The following BCL11B variants were observed in gnomAD, a reference collection of about 807,000 sequenced individuals.
BCL11B encodes B-cell lymphoma/leukemia 11B.
BCL11B carries 8 observed loss-of-function variants against 49.9 expected under a neutral mutation model. The observed-to-expected ratio is 0.16, with a 90% CI of 0.09 to 0.29. BCL11B has a LOEUF of 0.29. Ranked by LOEUF, BCL11B falls within the 10% of genes least tolerant of loss-of-function variation. The pLI, the probability that BCL11B is intolerant of heterozygous loss-of-function variation, is 1.00. For synonymous variants in BCL11B, 739 were observed against 637.4 expected, an observed-to-expected ratio of 1.16 and a Z score of -2.40; for missense variants, 1,006 against 1,351.0, an observed-to-expected ratio of 0.74 and a Z score of 4.00.
At position 99,247,662 on chromosome 14, in the gene BCL11B, C is replaced by T. The variant is rs568987977; in HGVS notation, c.427+9809G>A. 8.5e-5 allele frequency among the ~76,000 whole-genome samples: 13 copies of T among 152,344 alleles called. No homozygotes were observed. Among genetic ancestry groups the T allele is most frequent in the African/African-American group, 2.4e-4 (10 of 41,580 alleles). On this transcript the variant is annotated intron_variant, in intron 2 of 3. Coordinates refer to ENST00000357195, the MANE Select transcript of BCL11B (RefSeq NM_138576.4). The surrounding 1 kb of genome is among the most constrained non-coding windows in gnomAD (Gnocchi z 4.5). ...GCACCTGCAGTCATCAGGAGGTAGA[C>T]GCGTGTTTTCTGGACACTCTTGTGG... is the stretch of plus-strand genomic sequence containing the variant.
At chr14:99,179,002 G>A (rs1886619254) in intron 3 of BCL11B, among the ~76,000 whole-genome samples, 1 of 152,270 alleles carries the variant, frequency 6.6e-6, no homozygotes, top group East Asian at 1.9e-4. Context: ...TGGCTGGTGA[G>A]GAAAGAACAT....
intron 2 of BCL11B, among the ~76,000 whole-genome samples, chr14:99,250,785 C>G (rs1888986573): frequency 6.6e-6 from 1 of 152,070 alleles, no homozygotes; most frequent in Non-Finnish European, 1.5e-5. Context: ...CTTACCTTAT[C>G]TCTCTCTCCT....
At chr14:99,177,214 C>A (rs1410812188) in intron 3 of BCL11B, among the ~76,000 whole-genome samples, 1 of 151,990 alleles carries the variant, frequency 6.6e-6, no homozygotes, top group Non-Finnish European at 1.5e-5. Flanking sequence ...AAGTCCTCTG[C>A]CAGAATACTA....
chr14:99,210,651 T>C (rs1332972545), intron 3 of BCL11B, among the ~76,000 whole-genome samples: 1 of 152,172 alleles, frequency 6.6e-6, no homozygotes, highest in Non-Finnish European at 1.5e-5. Context: ...CTTTTCCTGC[T>C]CAGGTGTGGA....
chr14:99,267,550 C>CA (rs1428168203), intron 1 of BCL11B, among the ~76,000 whole-genome samples: 1 of 149,732 alleles, frequency 6.7e-6, no homozygotes, highest in African/African-American at 2.5e-5. Flanking sequence ...CTTCACCCCC[C>CA]CCCCACCAAC....
rs754316700 is a variant in BCL11B, at chr14:99,213,632, G to A, written c.640+17713C>T. Among the ~76,000 whole-genome samples the A allele has an allele frequency of 2.6e-5, 4 of 152,256 alleles. No individual in the cohort carries two copies. The highest frequency in any genetic ancestry group is 4.4e-5 in the Non-Finnish European group (3 of 68,010). ...GCCGGTGCCTGTCTCCCACACTCCC[G>A]GACGCCACAGGCTGCAGAGTCCATG... On this transcript the variant is annotated intron_variant, in intron 3 of 3. Coordinates refer to ENST00000357195, the MANE Select transcript of BCL11B (RefSeq NM_138576.4). This position sits in a 1 kb window ranked among gnomAD's most constrained non-coding sequence, Gnocchi z 5.1.
intron 3 of BCL11B, among the ~76,000 whole-genome samples, chr14:99,178,414 T>TC (rs758689006): frequency 1.3e-5 from 2 of 152,156 alleles, no homozygotes; most frequent in Non-Finnish European, 2.9e-5. Flanking sequence ...AGGGGAAACC[T>TC]CCCCACCTAA....
chr14:99,217,303 TAC>T (rs1054214864), intron 3 of BCL11B, among the ~76,000 whole-genome samples: 33 of 71,978 alleles, frequency 4.6e-4, no homozygotes, highest in African/African-American at 9.2e-4. Flanking sequence ...CACAAATACA[TAC>T]ACTTACATAT....
intron 3 of BCL11B, among the ~76,000 whole-genome samples, chr14:99,207,261 A>G (rs775848619): frequency 4.8e-4 from 73 of 152,206 alleles, no homozygotes; most frequent in Non-Finnish European, 9.4e-4. Flanking sequence ...GACATAAATG[A>G]CAAAGCGAAA....
At position 99,169,767 on chromosome 14, in the gene BCL11B, G is replaced by C; in HGVS notation, c.*4384C>G. ...TTGCCTGTGTTCCACGAGACCTTCG[G>C]CTGACGGTTACTTAGGACCGGGATG... On this transcript the variant is annotated 3_prime_UTR_variant, in exon 4 of 4. Coordinates refer to ENST00000357195, the MANE Select transcript of BCL11B (RefSeq NM_138576.4). 1 of 225,330 alleles carries C rather than the reference G, an allele frequency of 4.4e-6. No homozygotes were observed. Among genetic ancestry groups the C allele is most frequent in the Middle Eastern group, 1.4e-3 (1 of 736 alleles). 14.0% of individuals were successfully genotyped at this position (225,330 alleles called of 1,614,324 possible). A position where few individuals can be genotyped will look rare whatever the true frequency, so the allele number is the denominator to read the frequency against.
chr14:99,212,506 C>T (rs1322025113), intron 3 of BCL11B, among the ~76,000 whole-genome samples: 3 of 152,270 alleles, frequency 2.0e-5, no homozygotes, highest in African/African-American at 4.8e-5. Context: ...GCCAGACCTC[C>T]GCCTGGGCCT....
rs538801664 is a variant in BCL11B, at chr14:99,218,634, C to T, written c.640+12711G>A. Reference sequence around the variant, plus strand: ...GGGAATCCCCTGTAAGTGCCTGAACCTGTCCCAGACCTCAGTTCACCGAGA... The same window carrying T: ...GGGAATCCCCTGTAAGTGCCTGAACTTGTCCCAGACCTCAGTTCACCGAGA... On this transcript the variant is annotated intron_variant, in intron 3 of 3. Coordinates refer to ENST00000357195, the MANE Select transcript of BCL11B (RefSeq NM_138576.4). Among the ~76,000 whole-genome samples, 6 of 152,280 alleles carry T rather than the reference C, an allele frequency of 3.9e-5. No individual in the cohort carries two copies. In the South Asian group the frequency reaches 1.0e-3, roughly 26 times the overall value.
chr14:99,244,040 T>C (rs1426411294), intron 2 of BCL11B, among the ~76,000 whole-genome samples: 2 of 150,456 alleles, frequency 1.3e-5, no homozygotes, highest in Non-Finnish European at 1.5e-5. Flanking sequence ...GCAGAAAGTG[T>C]GCCCTGCAAA....
chr14:99,199,688 GCGCGCGCGCA>G (rs1211088927), intron 3 of BCL11B, among the ~76,000 whole-genome samples: 371 of 63,806 alleles, frequency 5.8e-3, no homozygotes, highest in African/African-American at 5.8e-3. Flanking sequence ...GTGTGTGCGC[GCGCGCGCGCA>G]CGTGCACGTG....
intron 3 of BCL11B, among the ~76,000 whole-genome samples, chr14:99,225,363 C>T (rs960952153): frequency 6.6e-6 from 1 of 152,132 alleles, no homozygotes; most frequent in Non-Finnish European, 1.5e-5. Flanking sequence ...TCAGGTCACC[C>T]GAGAAGAACC....
In BCL11B at chr14:99,184,489, T is replaced by C. The variant is rs1188095937; in HGVS notation, c.641-8294A>G. Among the ~76,000 whole-genome samples, 1 of 152,192 alleles carries C rather than the reference T, an allele frequency of 6.6e-6. No homozygotes were observed. The highest frequency in any genetic ancestry group is 1.5e-5 in the Non-Finnish European group (1 of 68,026). On this transcript the variant is annotated intron_variant, in intron 3 of 3. Transcript: ENST00000357195. This position sits in a 1 kb window ranked among gnomAD's most constrained non-coding sequence, Gnocchi z 6.1. Reference sequence around the variant, plus strand: ...AAAGTGGGTTTTAACCCAGGTTCTCTAGAGAAAAGAAACTAAGTCTCATCA... The same window carrying C: ...AAAGTGGGTTTTAACCCAGGTTCTCCAGAGAAAAGAAACTAAGTCTCATCA...
Position 99,192,479 on chromosome 14 carries a change from C to T in BCL11B, c.641-16284G>A, listed in dbSNP as rs539024998. On this transcript the variant is annotated intron_variant, in intron 3 of 3. Coordinates refer to ENST00000357195, the MANE Select transcript of BCL11B (RefSeq NM_138576.4). This position sits in a 1 kb window ranked among gnomAD's most constrained non-coding sequence, Gnocchi z 4.0. ...TAGAAGGCAGAAAATAAAACAATGC[C>T]GGCACGTTCTGGAGACCACAGCGCG... 2.0e-5 allele frequency among the ~76,000 whole-genome samples: 3 copies of T among 152,232 alleles called. No individual in the cohort carries two copies. Among genetic ancestry groups the T allele is most frequent in the South Asian group, 2.1e-4 (1 of 4,808 alleles).
At position 99,173,940 on chromosome 14, in the gene BCL11B, G is replaced by C; in HGVS notation, c.*211C>G. ...CAATAAATACAGAAATTATTGCACAGTTAAAAGGCTCCACAATTTGTACTG... is the reference window on the plus strand; with the variant it reads ...CAATAAATACAGAAATTATTGCACACTTAAAAGGCTCCACAATTTGTACTG... On this transcript the variant is annotated 3_prime_UTR_variant, in exon 4 of 4. Coordinates refer to ENST00000357195, the MANE Select transcript of BCL11B (RefSeq NM_138576.4). The C allele has an allele frequency of 1.7e-6, 1 of 591,130 alleles. No homozygotes were observed. The allele number at this position is 591,130 out of a possible 1,614,324, so 36.6% of individuals were successfully genotyped here. A position where few individuals can be genotyped will look rare whatever the true frequency, so the allele number is the denominator to read the frequency against.
rs909609888 is a variant in BCL11B, at chr14:99,262,390, C to T, written c.59-4551G>A. Among the ~76,000 whole-genome samples, 2 of 152,252 alleles carry T rather than the reference C, an allele frequency of 1.3e-5. No individual in the cohort carries two copies. Among genetic ancestry groups the T allele is most frequent in the Non-Finnish European group, 2.9e-5 (2 of 68,046 alleles). The stretch of plus-strand genomic sequence containing the variant: ...ACGTGGGCTGCTGCTCCTCCTTACC[C>T]TGCATTAATTCAAATCCAACTCTCT... On this transcript the variant is annotated intron_variant, in intron 1 of 3. Transcript: ENST00000357195. The surrounding 1 kb of genome is among the most constrained non-coding windows in gnomAD (Gnocchi z 4.2).
Sources: gnomAD v4.1 joint callset for allele counts (sites outside exome capture counted in the v4.1 genomes callset) on GRCh38, gnomAD v4.1.1 for gene constraint, Gnocchi (gnomAD v3.1) non-coding constraint, MANE v1.5 for transcripts, NCBI Gene and HGNC (gene_info 2026-07-23, HGNC 2026-07-21) for gene names.